The following CNTN4 variants were observed in gnomAD, a reference collection of about 807,000 sequenced individuals.
CNTN4 encodes the protein contactin 4, also known as contactin-4.
Under a neutral mutation model 122.5 loss-of-function variants are expected in CNTN4, and 77 were observed. The ratio of observed to expected loss-of-function variants is 0.63; its 90% CI spans 0.52 to 0.76. The LOEUF is 0.76. CNTN4 is among the 30% of genes least tolerant of loss of function. CNTN4 has a pLI of 0.00. For synonymous variants in CNTN4, 512 were observed against 447.0 expected, an observed-to-expected ratio of 1.15 and a Z score of -1.83; for missense variants, 1,256 against 1,259.1, an observed-to-expected ratio of 1.00 and a Z score of 0.04.
Position 2,433,483 on chromosome 3 carries a change from T to TG in CNTN4, c.-89+94253dup, listed in dbSNP as rs199865488. ...GCTCATTTTTTTATTAGGTTATTTG[T>TG]GGGTTTTTTTGCTGTTGAGTTTCAT... On this transcript the variant is annotated intron_variant, in intron 3 of 24. Coordinates refer to ENST00000418658, the MANE Select transcript of CNTN4 (RefSeq NM_175607.3). 7.0e-4 allele frequency among the ~76,000 whole-genome samples: 99 copies of TG among 140,562 alleles called. No homozygotes were observed. The South Asian group carries it at 7.3e-3, about 10-fold the overall frequency. 92.2% of individuals were successfully genotyped at this position (140,562 alleles called of 152,430 possible).
At chr3:3,016,493 G>C (rs1470446257) in intron 14 of CNTN4, among the ~76,000 whole-genome samples, 2 of 152,000 alleles carry the variant, frequency 1.3e-5, no homozygotes, top group East Asian at 3.8e-4. Context: ...CCTGGTCATG[G>C]GTAAAAATAA....
intron 4 of CNTN4, among the ~76,000 whole-genome samples, chr3:2,699,363 A>G (rs1326743992): frequency 6.6e-6 from 1 of 152,160 alleles, no homozygotes; most frequent in Non-Finnish European, 1.5e-5. Context: ...ATGTTGCGCT[A>G]GATTGTCAAA....
At chr3:2,578,044 G>A (rs1030874375) in intron 4 of CNTN4, among the ~76,000 whole-genome samples, 1 of 152,148 alleles carries the variant, frequency 6.6e-6, no homozygotes, top group Admixed American at 6.6e-5. Context: ...ATTCACAGGA[G>A]ACATATTCTG....
At chr3:2,870,427 C>G (rs1012898736) in intron 8 of CNTN4, among the ~76,000 whole-genome samples, 1 of 151,934 alleles carries the variant, frequency 6.6e-6, no homozygotes, top group Non-Finnish European at 1.5e-5. Flanking sequence ...TTACTAAGCA[C>G]AAAATAGGTT....
intron 4 of CNTN4, among the ~76,000 whole-genome samples, chr3:2,631,027 G>A (rs1158380652): frequency 6.6e-6 from 1 of 152,226 alleles, no homozygotes; most frequent in South Asian, 2.1e-4. Context: ...GTGGAGGTGG[G>A]AGTAGTAATA....
intron 4 of CNTN4, among the ~76,000 whole-genome samples, chr3:2,610,751 A>C (rs2081446469): frequency 6.6e-6 from 1 of 152,192 alleles, no homozygotes; most frequent in African/African-American, 2.4e-5. Context: ...TAAAAACTAT[A>C]AACATACAGC....
intron 24 of CNTN4, among the ~76,000 whole-genome samples, chr3:3,054,634 A>G (rs556087228): frequency 5.3e-5 from 8 of 152,154 alleles, no homozygotes; most frequent in Non-Finnish European, 1.2e-4. Flanking sequence ...TTTAAAGAAA[A>G]AAAACAAAAT....
chr3:2,981,104 T>C (rs1693922456), intron 13 of CNTN4, among the ~76,000 whole-genome samples: 1 of 151,960 alleles, frequency 6.6e-6, no homozygotes, highest in South Asian at 2.1e-4. Context: ...TTTTACAAGC[T>C]GCTCTTTGTT....
intron 4 of CNTN4, among the ~76,000 whole-genome samples, chr3:2,666,654 T>A (rs1253783393): frequency 6.6e-6 from 1 of 152,170 alleles, no homozygotes; most frequent in African/African-American, 2.4e-5. Context: ...GCAGGTTTTT[T>A]ACATATGTAT....
At chr3:2,689,236 C>A (rs2085596898) in intron 4 of CNTN4, among the ~76,000 whole-genome samples, 1 of 152,136 alleles carries the variant, frequency 6.6e-6, no homozygotes, top group South Asian at 2.1e-4. Context: ...GGAAGGAGAT[C>A]TAAATTCCAG....
At chr3:2,480,203 C>G (rs914612187) in intron 3 of CNTN4, among the ~76,000 whole-genome samples, 1 of 151,990 alleles carries the variant, frequency 6.6e-6, no homozygotes, top group Non-Finnish European at 1.5e-5. Flanking sequence ...CTACCAGGAT[C>G]AGAAACAAAG....
chr3:2,230,010 A>T (rs766424435), intron 2 of CNTN4, among the ~76,000 whole-genome samples: 1 of 130,390 alleles, frequency 7.7e-6, no homozygotes, highest in Non-Finnish European at 1.6e-5. Flanking sequence ...CTTAACCTAA[A>T]GTTTCTCTAC....
At chr3:2,119,733 G>C (rs1208955622) in intron 2 of CNTN4, among the ~76,000 whole-genome samples, 1 of 152,146 alleles carries the variant, frequency 6.6e-6, no homozygotes, top group Non-Finnish European at 1.5e-5. Context: ...TTAACCTACA[G>C]GTATCAAGTG....
chr3:2,239,918 T>G (rs972828509), intron 2 of CNTN4, among the ~76,000 whole-genome samples: 61 of 152,200 alleles, frequency 4.0e-4, no homozygotes, highest in African/African-American at 1.4e-3. Context: ...CTAAAATCAT[T>G]CATTTAGAAA....
intron 3 of CNTN4, among the ~76,000 whole-genome samples, chr3:2,371,888 G>T (rs528082125): frequency 1.3e-5 from 2 of 152,170 alleles, no homozygotes; most frequent in African/African-American, 4.8e-5. Flanking sequence ...AATAATCAGC[G>T]CATGTAGTTG....
chr3:2,864,019 A>G (rs984742920), intron 7 of CNTN4, among the ~76,000 whole-genome samples: 1 of 152,214 alleles, frequency 6.6e-6, no homozygotes, highest in African/African-American at 2.4e-5. Flanking sequence ...GAATCAACCT[A>G]TTTTTAATTA....
At chr3:2,508,785 C>A (rs770404921) in intron 3 of CNTN4, among the ~76,000 whole-genome samples, 8 of 152,080 alleles carry the variant, frequency 5.3e-5, no homozygotes, top group Non-Finnish European at 8.8e-5. Flanking sequence ...GGTAACTAGT[C>A]ATGTTGGTCT....
At chr3:2,099,828 CCTT>C (rs919676677) in intron 1 of CNTN4, 2 of 152,476 alleles carry the variant, frequency 1.3e-5, no homozygotes, top group African/African-American at 2.4e-5. Flanking sequence ...CACTCACTCT[CCTT>C]CTGGAACGCG....
At chr3:2,739,217 A>G (rs1204854518) in intron 5 of CNTN4, among the ~76,000 whole-genome samples, 2 of 152,180 alleles carry the variant, frequency 1.3e-5, no homozygotes, top group Non-Finnish European at 2.9e-5. Context: ...CAGATTGACA[A>G]ATTTAGAAAA....
Sources: allele counts gnomAD v4.1 joint callset (sites outside exome capture counted in the v4.1 genomes callset), GRCh38; gene constraint gnomAD v4.1.1; transcripts MANE v1.5; gene names NCBI Gene and HGNC (gene_info 2026-07-23, HGNC 2026-07-21).